Variants in EXOC4 observed in about 807,000 individuals in gnomAD.
EXOC4 encodes the protein exocyst complex component 4, also known as SEC8-like 1.
Under a neutral mutation model 107.2 loss-of-function variants are expected in EXOC4, and 71 were observed. The ratio of observed to expected loss-of-function variants is 0.66; its 90% CI spans 0.55 to 0.81. The LOEUF (loss-of-function observed/expected upper bound fraction) is 0.81. Among genes scored for constraint, EXOC4 ranks in the 30% least tolerant of loss-of-function variants. EXOC4 has a pLI of 0.00. For synonymous variants in EXOC4, 456 were observed against 441.2 expected (o/e 1.03, Z -0.42); for missense variants, 1,108 against 1,189.6 (o/e 0.93, Z 1.01).
intron 9 of EXOC4, among the ~76,000 whole-genome samples, chr7:133,518,399 A>C (rs1799920079): frequency 1.4e-5 from 2 of 142,622 alleles, no homozygotes; most frequent in Admixed American, 7.3e-5. Context: ...TTTTATGTTG[A>C]GATTATTCAT....
At chr7:133,560,692 T>C (rs975885674) in intron 9 of EXOC4, among the ~76,000 whole-genome samples, 2 of 152,228 alleles carry the variant, frequency 1.3e-5, no homozygotes, top group African/African-American at 4.8e-5. Flanking sequence ...TTCCCATTAC[T>C]AATCTCTGCT....
rs552973627 is a variant in EXOC4, at chr7:133,537,219, C to T, written c.1417+57081C>T. 7.3e-5 allele frequency among the ~76,000 whole-genome samples: 11 copies of T among 151,638 alleles called. No individual in the cohort carries two copies. In the East Asian group the frequency reaches 1.4e-3, roughly 19 times the overall value. On this transcript the variant is annotated intron_variant, in intron 9 of 17. Coordinates refer to ENST00000253861, the MANE Select transcript of EXOC4 (RefSeq NM_021807.4). ...AAGCTGGAGTTCAGTGGCGTGATCT[C>T]GACTCACTGCAGCCTCCGCCTCCCA...
intron 14 of EXOC4, 115 bp downstream of exon 14, chr7:133,938,184 A>G (rs1217934413): frequency 2.0e-6 from 2 of 998,024 alleles, no homozygotes; most frequent in Non-Finnish European, 3.0e-6. Context: ...CCAAGCTGTC[A>G]GAAGATCCTG....
chr7:133,275,081 T>G lies in EXOC4; in HGVS notation c.186T>G (p.Ile62Met), dbSNP rs1793957708. Reference protein sequence around the residue: ...EKCDRDLDELIVQHYTELTTA... With the variant: ...EKCDRDLDELMVQHYTELTTA... ...GTGACCGTGACCTGGATGAATTGAT[T>G]GTACAGCACTACACAGAATTGACGA... The change falls in exon 2 of 18, where the codon ATT (isoleucine) becomes ATG (methionine). Residue 62 changes from isoleucine (I) to methionine (M), a missense_variant. Transcript: ENST00000253861. The G allele has an allele frequency of 1.2e-6, 2 of 1,613,836 alleles. No individual in the cohort carries two copies. Among genetic ancestry groups the G allele is most frequent in the East Asian group, 2.2e-5 (1 of 44,886 alleles).
chr7:134,099,522 CTTTTTTTTT>C, the EXOC4 span, among the ~76,000 whole-genome samples: 1 of 103,932 alleles, frequency 9.6e-6, no homozygotes, highest in Non-Finnish European at 2.1e-5. Context: ...CATCACACTT[CTTTTTTTTT>C]TTTTTTTTTT....
At chr7:133,872,003 A>G (rs1798760845) in intron 11 of EXOC4, among the ~76,000 whole-genome samples, 1 of 152,174 alleles carries the variant, frequency 6.6e-6, no homozygotes, top group Non-Finnish European at 1.5e-5. Flanking sequence ...GGCCAGAAGG[A>G]GAACAGCAAC....
intron 9 of EXOC4, among the ~76,000 whole-genome samples, chr7:133,620,087 A>C (rs1802292366): frequency 6.6e-6 from 1 of 151,742 alleles, no homozygotes; most frequent in Admixed American, 6.6e-5. Context: ...CAGCGGCCTA[A>C]TCTTGGTTTA....
chr7:133,374,793 A>T, intron 6 of EXOC4, 35 bp from the exon 7 acceptor site: 1 of 1,573,490 alleles, frequency 6.4e-7, no homozygotes, highest in East Asian at 2.3e-5. Context: ...GCGTGTACGT[A>T]TGTGTAAATG....
At chr7:133,831,739 G>C (rs904209838) in intron 11 of EXOC4, among the ~76,000 whole-genome samples, 2 of 151,990 alleles carry the variant, frequency 1.3e-5, no homozygotes, top group Non-Finnish European at 1.5e-5. Flanking sequence ...CTTGTAACTT[G>C]AGTATCATTA....
At chr7:133,931,418 T>G (rs940584473) in intron 13 of EXOC4, among the ~76,000 whole-genome samples, 4 of 152,194 alleles carry the variant, frequency 2.6e-5, no homozygotes, top group Non-Finnish European at 5.9e-5. Flanking sequence ...GTACAAAGAC[T>G]TAATTGTTTG....
chr7:133,868,348 G>A (rs1299637056), intron 11 of EXOC4, among the ~76,000 whole-genome samples: 1 of 152,316 alleles, frequency 6.6e-6, no homozygotes, highest in Middle Eastern at 3.4e-3. Flanking sequence ...AATGAGAAGA[G>A]GGTAGAAGAG....
chr7:133,963,014 G>A (rs1800981565), intron 14 of EXOC4, among the ~76,000 whole-genome samples: 1 of 152,230 alleles, frequency 6.6e-6, no homozygotes, highest in Admixed American at 6.5e-5. Context: ...TTCACATGCT[G>A]CACATGTAGG....
At chr7:134,037,533 C>T (rs1408461445) in intron 17 of EXOC4, among the ~76,000 whole-genome samples, 2 of 152,132 alleles carry the variant, frequency 1.3e-5, no homozygotes, top group Non-Finnish European at 2.9e-5. Flanking sequence ...TGGAGAGGGG[C>T]CCTGTGTTAG....
chr7:134,001,808 G>A (rs991363486), intron 15 of EXOC4, among the ~76,000 whole-genome samples: 3 of 152,212 alleles, frequency 2.0e-5, no homozygotes, highest in Non-Finnish European at 4.4e-5. Context: ...CCCCAAGCTC[G>A]TGGAGTGCCT....
chr7:133,457,524 C>A (rs1361646409), intron 7 of EXOC4, among the ~76,000 whole-genome samples: 1 of 152,130 alleles, frequency 6.6e-6, no homozygotes, highest in African/African-American at 2.4e-5. Flanking sequence ...TGAGTGGGAT[C>A]ATTTTCTCAA....
At chr7:133,419,774 T>C (rs866144403) in intron 7 of EXOC4, among the ~76,000 whole-genome samples, 2 of 152,114 alleles carry the variant, frequency 1.3e-5, no homozygotes, top group Admixed American at 6.5e-5. Flanking sequence ...TTCCTATGGC[T>C]GCCTACAAAT....
intron 10 of EXOC4, chr7:133,727,220 A>T (rs1795233100): frequency 6.6e-6 from 1 of 152,402 alleles, no homozygotes; most frequent in African/African-American, 2.4e-5. Context: ...TATTGCCAGC[A>T]TAAGAATATT....
rs528509219 is a variant in EXOC4, at chr7:133,389,106, T to C, written c.1182+14104T>C. Among the ~76,000 whole-genome samples, 4 of 152,192 alleles carry C rather than the reference T, an allele frequency of 2.6e-5. No homozygotes were observed. In the South Asian group the frequency reaches 6.2e-4, roughly 24 times the overall value. On this transcript the variant is annotated intron_variant, in intron 7 of 17. Coordinates refer to ENST00000253861, the MANE Select transcript of EXOC4 (RefSeq NM_021807.4). Reference sequence around the variant, plus strand: ...TAGGATGGTTTGTCTGGCAGCAGTGTGCAAAATGAATTGGTAGAGGAGAAA... The same window carrying C: ...TAGGATGGTTTGTCTGGCAGCAGTGCGCAAAATGAATTGGTAGAGGAGAAA...
chr7:134,018,965 C>A (rs1585326004), intron 17 of EXOC4, among the ~76,000 whole-genome samples: 1 of 152,152 alleles, frequency 6.6e-6, no homozygotes, highest in South Asian at 2.1e-4. Flanking sequence ...GACTCTTGCT[C>A]TGTCACCCAG....
Sources: allele counts gnomAD v4.1 joint callset (sites outside exome capture counted in the v4.1 genomes callset), GRCh38; gene constraint gnomAD v4.1.1; transcripts MANE v1.5; gene names NCBI Gene and HGNC (gene_info 2026-07-23, HGNC 2026-07-21).